Variants in CMSS1 observed in about 807,000 individuals in gnomAD.
CMSS1 encodes cms1 ribosomal small subunit homolog, also known as protein CMSS1.
Under a neutral mutation model 43.5 loss-of-function variants are expected in CMSS1, and 33 were observed. The ratio of observed to expected loss-of-function variants is 0.76; its 90% CI spans 0.57 to 1.01. CMSS1 has a LOEUF of 1.01. Ranked by LOEUF, CMSS1 falls within the 50% of genes least tolerant of loss-of-function variation. The pLI, the probability that CMSS1 is intolerant of heterozygous loss-of-function variation, is 0.00. For synonymous variants in CMSS1, 115 were observed against 117.2 expected, an observed-to-expected ratio of 0.98 and a Z score of 0.12; for missense variants, 313 against 326.4, an observed-to-expected ratio of 0.96 and a Z score of 0.32.
intron 1 of CMSS1, among the ~76,000 whole-genome samples, chr3:99,819,715 A>T (rs1424030260): frequency 6.8e-6 from 1 of 147,838 alleles, no homozygotes; most frequent in Non-Finnish European, 1.5e-5. Context: ...GCCCTTAAAG[A>T]TCATCTTTTT....
chr3:100,116,692 A>G (rs1179898354), intron 1 of CMSS1, among the ~76,000 whole-genome samples: 2 of 152,206 alleles, frequency 1.3e-5, no homozygotes, highest in Non-Finnish European at 2.9e-5. Flanking sequence ...TGATAGCTGC[A>G]TTTCCAATCT....
At chr3:100,083,228 TA>T (rs1222454563) in intron 1 of CMSS1, among the ~76,000 whole-genome samples, 2 of 152,266 alleles carry the variant, frequency 1.3e-5, no homozygotes, top group African/African-American at 4.8e-5. Flanking sequence ...AAGAATTAAC[TA>T]AATAGTTTTA....
At chr3:100,172,473 A>C in intron 8 of CMSS1, 70 bp downstream of exon 8, 1 of 1,169,170 alleles carries the variant, frequency 8.6e-7, no homozygotes. Context: ...TGAGTCTCAG[A>C]AACTAAATTC....
chr3:100,051,029 C>T (rs1246058877), intron 1 of CMSS1, among the ~76,000 whole-genome samples: 1 of 152,068 alleles, frequency 6.6e-6, no homozygotes, highest in Non-Finnish European at 1.5e-5. Flanking sequence ...CTTATACCCA[C>T]CTTCAATAGA....
Position 100,147,044 on chromosome 3 carries a change from T to A in CMSS1, c.136T>A (p.Ser46Thr). The A allele has an allele frequency of 6.2e-7, 1 of 1,613,888 alleles. No homozygotes were observed. Among genetic ancestry groups the A allele is most frequent in the African/African-American group, 1.3e-5 (1 of 75,006 alleles). ...QQETVPVPVP[S>T]EKTKQPKECF... The stretch of plus-strand genomic sequence containing the variant: ...GGAGACAGTTCCAGTTCCTGTACCT[T>A]CAGAGAAAACCAAACAGGTGAGGGG... The change falls in exon 2 of 10, where the codon TCA becomes ACA. Residue 46 changes from serine (S) to threonine (T), a missense_variant. Transcript: ENST00000421999.
At chr3:100,099,758 G>A (rs2066273113) in intron 1 of CMSS1, among the ~76,000 whole-genome samples, 1 of 152,166 alleles carries the variant, frequency 6.6e-6, no homozygotes, top group African/African-American at 2.4e-5. Flanking sequence ...CATAAGATAT[G>A]TTCTGTAGCA....
chr3:99,977,263 G>A (rs990990002), intron 1 of CMSS1, among the ~76,000 whole-genome samples: 1 of 152,130 alleles, frequency 6.6e-6, no homozygotes, highest in Non-Finnish European at 1.5e-5. Context: ...CATCCCAGGA[G>A]CAGTGGGGAA....
chr3:99,911,089 G>A (rs76686852), intron 1 of CMSS1, among the ~76,000 whole-genome samples: 6,421 of 152,030 alleles, frequency 0.042, 181 homozygotes, highest in Middle Eastern at 0.092. Context: ...CTAGGCAAAG[G>A]GATTAGGTAG....
intron 1 of CMSS1, among the ~76,000 whole-genome samples, chr3:100,118,841 GA>G (rs2107489728): frequency 6.6e-6 from 1 of 152,276 alleles, no homozygotes; most frequent in Non-Finnish European, 1.5e-5. Context: ...ACAGATAACT[GA>G]AAGAATTGTG....
intron 1 of CMSS1, among the ~76,000 whole-genome samples, chr3:100,074,809 T>C (rs1457499861): frequency 6.7e-6 from 1 of 148,762 alleles, no homozygotes; most frequent in Non-Finnish European, 1.5e-5. Flanking sequence ...TTCTCTTACC[T>C]CAGCTTCCAG....
At chr3:99,881,464 T>G (rs192039162) in intron 1 of CMSS1, among the ~76,000 whole-genome samples, 2 of 152,210 alleles carry the variant, frequency 1.3e-5, no homozygotes, top group East Asian at 3.9e-4. Flanking sequence ...CAGTACAGAT[T>G]GTTCTCAGTG....
chr3:99,818,285 T>C, intron 1 of CMSS1, among the ~76,000 whole-genome samples: 1 of 152,250 alleles, frequency 6.6e-6, no homozygotes, highest in East Asian at 1.9e-4. Context: ...GCTTTCTCTT[T>C]TCCTTATTTC....
At chr3:100,087,993 G>A (rs1322411703) in intron 1 of CMSS1, among the ~76,000 whole-genome samples, 1 of 151,966 alleles carries the variant, frequency 6.6e-6, no homozygotes, top group Non-Finnish European at 1.5e-5. Context: ...ACCATGCCTG[G>A]CTAATTTTTA....
Position 100,167,839 on chromosome 3 carries a change from A to C in CMSS1, c.517A>C (p.Arg173=). The change falls in exon 6 of 10, where the codon AGG becomes CGG. Residue 173 remains arginine, a splice_region_variant and synonymous_variant. Coordinates refer to ENST00000421999, the MANE Select transcript of CMSS1 (RefSeq NM_032359.4). ...GGCCGTCCGAGCCCTGGAGCTCATT[A>C]GGTTGGAAGGTTCACCTATTCCATA... is the stretch of plus-strand genomic sequence containing the variant. The part of the protein sequence containing the change: ...SSAVRALELI[R]SMTAFRGDGK... 1.3e-6 allele frequency: 2 copies of C among 1,599,910 alleles called. No individual in the cohort carries two copies. The highest frequency in any genetic ancestry group is 1.7e-6 in the Non-Finnish European group (2 of 1,170,174).
rs148784051 is a variant in CMSS1, at chr3:100,103,344, A to T, written c.65-43629A>T. Among the ~76,000 whole-genome samples, 706 of 152,358 alleles carry T rather than the reference A, an allele frequency of 4.6e-3. 2 individuals carry two copies. The highest frequency in any genetic ancestry group is 7.1e-3 in the South Asian group (34 of 4,822). On this transcript the variant is annotated intron_variant, in intron 1 of 9. Transcript: ENST00000421999. ...TTGAGCACAGCAGGAGGTTGGGCAAAGCTGCTCCATTCTGAAGGTTATTAT... is the reference window on the plus strand; with the variant it reads ...TTGAGCACAGCAGGAGGTTGGGCAATGCTGCTCCATTCTGAAGGTTATTAT...
In CMSS1 at chr3:99,925,919, A is replaced by T. The variant is rs528999499; in HGVS notation, c.64+107876A>T. ...GCCCAGCACGGGGTAAGCTGCCACCAGAAAAACATGTTGGCAAGAGCTAAC... is the reference window on the plus strand; with the variant it reads ...GCCCAGCACGGGGTAAGCTGCCACCTGAAAAACATGTTGGCAAGAGCTAAC... On this transcript the variant is annotated intron_variant, in intron 1 of 9. Coordinates refer to ENST00000421999, the MANE Select transcript of CMSS1 (RefSeq NM_032359.4). 2.3e-5 allele frequency: 23 copies of T among 982,762 alleles called. No homozygotes were observed. The African/African-American group carries it at 3.7e-4, about 16-fold the overall frequency. The allele number at this position is 982,762 out of a possible 1,614,324, so 60.9% of individuals were successfully genotyped here. A position where few individuals can be genotyped will look rare whatever the true frequency, so the allele number is the denominator to read the frequency against.
intron 1 of CMSS1, among the ~76,000 whole-genome samples, chr3:100,037,226 C>G (rs569126170): frequency 1.3e-5 from 2 of 152,180 alleles, no homozygotes; most frequent in African/African-American, 4.8e-5. Flanking sequence ...TAGGAAAATA[C>G]ATTGTAATAT....
chr3:99,921,315 T>C (rs1707117179), intron 1 of CMSS1, among the ~76,000 whole-genome samples: 1 of 152,208 alleles, frequency 6.6e-6, no homozygotes, highest in South Asian at 2.1e-4. Flanking sequence ...CCCCACTTCC[T>C]GTTTCGTTAG....
intron 1 of CMSS1, among the ~76,000 whole-genome samples, chr3:99,861,582 T>C (rs1253938111): frequency 6.6e-6 from 1 of 152,178 alleles, no homozygotes; most frequent in African/African-American, 2.4e-5. Flanking sequence ...TCTGCGTTCT[T>C]CTGTATCTTG....
Sources: gnomAD v4.1 joint callset for allele counts (sites outside exome capture counted in the v4.1 genomes callset) on GRCh38, gnomAD v4.1.1 for gene constraint, MANE v1.5 for transcripts, NCBI Gene and HGNC (gene_info 2026-07-23, HGNC 2026-07-21) for gene names.